EDEM1: variants seen among roughly 807,000 people sequenced by gnomAD.
EDEM1 encodes the protein ER degradation-enhancing alpha-mannosidase-like protein 1.
A neutral mutation model predicts 74.4 loss-of-function variants in EDEM1; 67 were observed. The observed-to-expected ratio is 0.90, with a 90% confidence interval of 0.74 to 1.10. The LOEUF (loss-of-function observed/expected upper bound fraction) is 1.10. Ranked by LOEUF, EDEM1 falls within the 50% of genes least tolerant of loss-of-function variation. The pLI is 0.00. For synonymous variants in EDEM1, 382 were observed against 335.9 expected, an observed-to-expected ratio of 1.14 and a Z score of -1.50; for missense variants, 926 against 851.6, an observed-to-expected ratio of 1.09 and a Z score of -1.09.
In EDEM1 at chr3:5,188,234, C is replaced by T. The variant is rs762992893; in HGVS notation, c.429C>T (p.Asp143=). 1.3e-6 allele frequency: 2 copies of T among 1,585,124 alleles called. No individual in the cohort carries two copies. Among genetic ancestry groups the T allele is most frequent in the South Asian group, 2.3e-5 (2 of 87,264 alleles). The change falls in exon 1 of 12, where the codon GAC becomes GAT. Residue 143 remains aspartate, a synonymous_variant. Coordinates refer to ENST00000256497, the MANE Select transcript of EDEM1 (RefSeq NM_014674.3). ...LARGMFVFGY[D]NYMAHAFPQD... is the part of the protein sequence containing the mutation. ...GGGGCATGTTCGTCTTTGGCTACGA[C>T]AACTACATGGCTCACGCCTTCCCCC...
chr3:5,195,741 TC>T (rs2054958665), intron 2 of EDEM1, among the ~76,000 whole-genome samples: 1 of 152,242 alleles, frequency 6.6e-6, no homozygotes, highest in Non-Finnish European at 1.5e-5. Flanking sequence ...GAAACCCTTC[TC>T]TTTTATTTGC....
At chr3:5,197,560 A>G (rs1181169410) in intron 2 of EDEM1, among the ~76,000 whole-genome samples, 1 of 152,112 alleles carries the variant, frequency 6.6e-6, no homozygotes, top group Admixed American at 6.6e-5. Context: ...GCTTCACCAG[A>G]TATTGTTGCT....
At chr3:5,197,983 T>G (rs1307983858) in intron 2 of EDEM1, among the ~76,000 whole-genome samples, 2 of 151,972 alleles carry the variant, frequency 1.3e-5, no homozygotes, top group African/African-American at 2.4e-5. Context: ...CTTGAAGTGC[T>G]GGGGGTGGGG....
At chr3:5,189,795 T>G (rs2054878154) in intron 1 of EDEM1, among the ~76,000 whole-genome samples, 1 of 152,122 alleles carries the variant, frequency 6.6e-6, no homozygotes, top group African/African-American at 2.4e-5. Flanking sequence ...AGAGACGGGG[T>G]TTCACCGTAT....
chr3:5,211,472 T>G, intron 10 of EDEM1: 1 of 421,298 alleles, frequency 2.4e-6, no homozygotes, highest in South Asian at 2.2e-5. Flanking sequence ...CTGGTAACGA[T>G]TGATACAGAA....
At chr3:5,193,421 T>C (rs966827642) in intron 1 of EDEM1, among the ~76,000 whole-genome samples, 5 of 152,136 alleles carry the variant, frequency 3.3e-5, no homozygotes, top group African/African-American at 1.2e-4. Context: ...AGCTCTTGCT[T>C]TGAGGGGACC....
chr3:5,204,917 A>T, intron 5 of EDEM1, 150 bp from the exon 6 acceptor site: 1 of 716,542 alleles, frequency 1.4e-6, no homozygotes, highest in Non-Finnish European at 2.3e-6. Flanking sequence ...AGACTGATAA[A>T]AATGTTAGGT....
At chr3:5,215,255 C>G (rs1235265652) in intron 11 of EDEM1, among the ~76,000 whole-genome samples, 7 of 143,724 alleles carry the variant, frequency 4.9e-5, no homozygotes, top group African/African-American at 1.8e-4. Context: ...TTGGTTAGTT[C>G]TCAAGATGTG....
chr3:5,213,506 T>G lies in EDEM1; in HGVS notation c.1868T>G (p.Ile623Ser), dbSNP rs780149375. 2.5e-6 allele frequency: 4 copies of G among 1,610,674 alleles called. No individual in the cohort carries two copies. The African/African-American group carries it at 5.3e-5, about 22-fold the overall frequency. Residue 623 changes from isoleucine to serine, a missense_variant, in exon 11 of 12, where the codon ATC (isoleucine) becomes AGC (serine). By Grantham distance (142) the Ile-to-Ser change is moderately radical. Coordinates refer to ENST00000256497, the MANE Select transcript of EDEM1 (RefSeq NM_014674.3). ...CCGAAACCTCATGAGTTAAAAGTCA[T>G]CAACTCCAGCTCCAACGTGAGTTGC... ...HRPKPHELKVINSSSNCNRVP... is the reference protein window; with the variant it reads ...HRPKPHELKVSNSSSNCNRVP...
At position 5,207,184 on chromosome 3, in the gene EDEM1, C is replaced by T. The variant is rs775845865; in HGVS notation, c.1249C>T (p.Pro417Ser). The T allele has an allele frequency of 3.1e-6, 5 of 1,613,956 alleles. No homozygotes were observed. In the Admixed American group the frequency reaches 5.0e-5, roughly 16 times the overall value. The change falls in exon 7 of 12, where the codon CCT becomes TCT. Residue 417 changes from proline to serine, a missense_variant. Physicochemically the swap from Pro to Ser is moderately conservative, Grantham distance 74. Coordinates refer to ENST00000256497, the MANE Select transcript of EDEM1 (RefSeq NM_014674.3). ...REACNEGEGD[P>S]PLYVNVNMFS... Reference sequence around the variant, plus strand: ...AGCCTGCAATGAAGGAGAAGGAGACCCTCCACTCTATGTCAACGTGAACAT... The same window carrying T: ...AGCCTGCAATGAAGGAGAAGGAGACTCTCCACTCTATGTCAACGTGAACAT...
At position 5,216,295 on chromosome 3, in the gene EDEM1, A is replaced by T. The variant is rs975684150; in HGVS notation, c.*377A>T. ...TGGAGTATTGCTATGTCTTTAAAAA[A>T]TTTTTTTTATTATATTTTATTTTTT... On this transcript the variant is annotated 3_prime_UTR_variant, in exon 12 of 12. Coordinates refer to ENST00000256497, the MANE Select transcript of EDEM1 (RefSeq NM_014674.3). 68 of 162,968 alleles carry T rather than the reference A, an allele frequency of 4.2e-4. No homozygotes were observed. Among genetic ancestry groups the T allele is most frequent in the African/African-American group, 1.3e-3 (54 of 41,490 alleles). 10.1% of individuals were successfully genotyped at this position (162,968 alleles called of 1,614,324 possible).
At chr3:5,209,054 TGAGTTTTAGAAACTCTGGTAGTGGG>T (rs1215181540) in intron 8 of EDEM1, among the ~76,000 whole-genome samples, 4 of 152,172 alleles carry the variant, frequency 2.6e-5, no homozygotes, top group African/African-American at 7.2e-5. Context: ...AAGCAGGGCC[TGAGTTTTAGAAACTCTGGTAGTGGG>T]GAGTTTTAGA....
rs560200914 is a variant in EDEM1 at position 5,187,710 on chromosome 3, G to T, written c.-96G>T. ...GTGCGTCACGGGGGAGTTCCTTAAA[G>T]GGGAAGCGAGCCGGGCTACGGGGCG... On this transcript the variant is annotated 5_prime_UTR_variant, in exon 1 of 12. In the 5' UTR this introduces an upstream ATG that the reference lacks. Transcript: ENST00000256497. 9.4e-6 allele frequency: 13 copies of T among 1,384,842 alleles called. No homozygotes were observed. The highest frequency in any genetic ancestry group is 1.1e-5 in the Non-Finnish European group (12 of 1,067,338). 85.8% of individuals were successfully genotyped at this position (1,384,842 alleles called of 1,614,324 possible). A position where few individuals can be genotyped will look rare whatever the true frequency, so the allele number is the denominator to read the frequency against.
intron 5 of EDEM1, 129 bp downstream of exon 5, chr3:5,203,278 T>C: frequency 1.0e-6 from 1 of 967,652 alleles, no homozygotes; most frequent in Non-Finnish European, 1.4e-6. Context: ...GTGTCAGCTC[T>C]ATCTAATTTC....
chr3:5,204,768 C>G (rs762023986), intron 5 of EDEM1, among the ~76,000 whole-genome samples: 11 of 152,138 alleles, frequency 7.2e-5, no homozygotes, highest in Non-Finnish European at 1.2e-4. Flanking sequence ...CTGTGAAAAA[C>G]TCTTGGGTTT....
intron 1 of EDEM1, among the ~76,000 whole-genome samples, chr3:5,190,359 G>T (rs1260426558): frequency 6.6e-6 from 1 of 152,218 alleles, no homozygotes; most frequent in Middle Eastern, 3.2e-3. Context: ...ACAGTTTAAC[G>T]GGGAATTGTG....
At position 5,211,350 on chromosome 3, in the gene EDEM1, C is replaced by G. The variant is rs183475201; in HGVS notation, c.1680+134C>G. On this transcript the variant is annotated intron_variant, in intron 10 of 11. Coordinates refer to ENST00000256497, the MANE Select transcript of EDEM1 (RefSeq NM_014674.3). ...ATTGTGCATTCCCAGGATGCAAACG[C>G]TGTCAGAACCAAAGGATATTACTAT... The G allele has an allele frequency of 2.7e-5, 22 of 807,038 alleles. No individual in the cohort carries two copies. The Admixed American group carries it at 4.0e-4, about 15-fold the overall frequency. The allele number at this position is 807,038 out of a possible 1,614,324, so 50.0% of individuals were successfully genotyped here.
In EDEM1 at chr3:5,216,194, G is replaced by T; in HGVS notation, c.*276G>T. Reference sequence around the variant, plus strand: ...GTTGATGTTATAAGCACAATAGATGGGGCATCTTTGGATTGATGTTCACAG... The same window carrying T: ...GTTGATGTTATAAGCACAATAGATGTGGCATCTTTGGATTGATGTTCACAG... On this transcript the variant is annotated 3_prime_UTR_variant, in exon 12 of 12. Coordinates refer to ENST00000256497, the MANE Select transcript of EDEM1 (RefSeq NM_014674.3). 1 of 421,350 alleles carries T rather than the reference G, an allele frequency of 2.4e-6. No individual in the cohort carries two copies. Among genetic ancestry groups the T allele is most frequent in the Admixed American group, 4.6e-5 (1 of 21,620 alleles). The allele number at this position is 421,350 out of a possible 1,614,324, so 26.1% of individuals were successfully genotyped here. A position where few individuals can be genotyped will look rare whatever the true frequency, so the allele number is the denominator to read the frequency against.
chr3:5,210,219 G>GC lies in EDEM1; in HGVS notation c.1555dup (p.Gln519ProfsTer21). 1 of 1,614,206 alleles carries GC rather than the reference G, an allele frequency of 6.2e-7. No individual in the cohort carries two copies. Among genetic ancestry groups the GC allele is most frequent in the Non-Finnish European group, 8.5e-7 (1 of 1,180,018 alleles). On this transcript the variant is annotated frameshift_variant, in exon 9 of 12. Coordinates refer to ENST00000256497, the MANE Select transcript of EDEM1 (RefSeq NM_014674.3). LOFTEE classifies it high-confidence loss of function. ...ACCTCCATGTAGGAATGGATATTCT[G>GC]CAGAGTCTGGAAAAGTACACAAAAG...
Sources: allele counts gnomAD v4.1 joint callset (sites outside exome capture counted in the v4.1 genomes callset), GRCh38; gene constraint gnomAD v4.1.1; transcripts MANE v1.5; gene names NCBI Gene and HGNC (gene_info 2026-07-23, HGNC 2026-07-21).